WDR17: variants seen among roughly 807,000 people sequenced by gnomAD.
The protein encoded by WDR17 is WD repeat-containing protein 17.
WDR17 carries 143 observed loss-of-function variants against 161.7 expected under a neutral mutation model. The ratio of observed to expected loss-of-function variants is 0.88; its 90% CI spans 0.77 to 1.02. The LOEUF (loss-of-function observed/expected upper bound fraction) is 1.02. WDR17 is among the 50% of genes least tolerant of loss of function. The probability of loss-of-function intolerance (pLI) is 0.00; values close to 1 mark genes in which losing one functional copy is unlikely to be tolerated. For synonymous variants in WDR17, 517 were observed against 515.6 expected, an observed-to-expected ratio of 1.00 and a Z score of -0.04; for missense variants, 1,469 against 1,520.9, an observed-to-expected ratio of 0.97 and a Z score of 0.57.
At chr4:176,114,266 A>C (rs1740240030) in intron 2 of WDR17, among the ~76,000 whole-genome samples, 1 of 152,086 alleles carries the variant, frequency 6.6e-6, no homozygotes, top group Non-Finnish European at 1.5e-5. Flanking sequence ...AAATAAGTCA[A>C]CTTAAAATTG....
At chr4:176,070,377 A>G (rs1733063584) in intron 1 of WDR17, among the ~76,000 whole-genome samples, 1 of 152,096 alleles carries the variant, frequency 6.6e-6, no homozygotes, top group African/African-American at 2.4e-5. Context: ...CCTGGGCCCT[A>G]CCTTAGGTAA....
intron 17 of WDR17, among the ~76,000 whole-genome samples, chr4:176,152,951 G>T (rs529909686): frequency 6.6e-6 from 1 of 151,456 alleles, no homozygotes; most frequent in African/African-American, 2.4e-5. Context: ...AAAAAAGGAA[G>T]CTTATTTTTT....
intron 5 of WDR17, among the ~76,000 whole-genome samples, chr4:176,127,678 G>A (rs572208827): frequency 1.3e-5 from 2 of 152,232 alleles, no homozygotes; most frequent in East Asian, 3.9e-4. Context: ...TTTAAAGCAT[G>A]CAGTTCAGTG....
At chr4:176,166,201 T>A in intron 22 of WDR17, 3 of 561,750 alleles carry the variant, frequency 5.3e-6, no homozygotes, top group Non-Finnish European at 8.7e-6. Flanking sequence ...ACTCCTTTAT[T>A]TTATTATTTG....
intron 18 of WDR17, 54 bp from the exon 19 acceptor site, chr4:176,159,940 C>G (rs1748773313): frequency 9.7e-6 from 14 of 1,449,548 alleles, no homozygotes; most frequent in Admixed American, 4.0e-5. Flanking sequence ...TCTCAATTCA[C>G]CTAAAAACCT....
chr4:176,127,484 C>T (rs1400105306), intron 5 of WDR17, among the ~76,000 whole-genome samples: 15 of 151,686 alleles, frequency 9.9e-5, no homozygotes, highest in Admixed American at 2.0e-4. Flanking sequence ...TTAGTAGAGA[C>T]GGTGTTTTAC....
At chr4:176,089,754 T>A (rs1012082493) in intron 1 of WDR17, among the ~76,000 whole-genome samples, 1 of 152,100 alleles carries the variant, frequency 6.6e-6, no homozygotes, top group African/African-American at 2.4e-5. Flanking sequence ...GGGACTAAGA[T>A]TTTTCCCAGC....
At position 176,148,323 on chromosome 4, in the gene WDR17, G is replaced by C. The variant is rs1254757195; in HGVS notation, c.1885G>C (p.Ala629Pro). ...TGTGGATACTGTGTATGATCACGGT[G>C]CAGATGTATATGGTAGAGTGTCTTT... ...TCVDTVYDHG[A>P]DVYGLTCHPS... is the part of the protein sequence containing the mutation. Residue 629 changes from alanine to proline, a missense_variant, in exon 13 of 29, where the codon GCA becomes CCA. Transcript: ENST00000508596. 2 of 1,613,508 alleles carry C rather than the reference G, an allele frequency of 1.2e-6. No homozygotes were observed. Among genetic ancestry groups the C allele is most frequent in the Admixed American group, 3.3e-5 (2 of 59,992 alleles).
chr4:176,138,246 C>CT (rs1462469684), intron 9 of WDR17, among the ~76,000 whole-genome samples: 1 of 151,522 alleles, frequency 6.6e-6, no homozygotes, highest in Non-Finnish European at 1.5e-5. Context: ...CTTGAAATTT[C>CT]TTTTATTTTA....
chr4:176,091,128 T>A (rs1217934803), intron 1 of WDR17, among the ~76,000 whole-genome samples: 1 of 152,210 alleles, frequency 6.6e-6, no homozygotes, highest in Non-Finnish European at 1.5e-5. Flanking sequence ...ATGGCCAGAT[T>A]TGGGTGCCTA....
chr4:176,067,566 GT>G (rs1732690091), intron 1 of WDR17, among the ~76,000 whole-genome samples: 1 of 152,180 alleles, frequency 6.6e-6, no homozygotes, highest in Non-Finnish European at 1.5e-5. Context: ...TTACTTGAAA[GT>G]TTTAACATTC....
At chr4:176,175,696 T>TACAGGTGCCCGCCACC (rs369478131) in intron 26 of WDR17, among the ~76,000 whole-genome samples, 5,060 of 151,618 alleles carry the variant, frequency 0.033, 262 homozygotes, top group African/African-American at 0.11. Context: ...TAGCTGGGAC[T>TACAGGTGCCCGCCACC]ACAGGTGCCC....
At chr4:176,101,036 T>C (rs975455691) in intron 1 of WDR17, among the ~76,000 whole-genome samples, 4 of 152,182 alleles carry the variant, frequency 2.6e-5, no homozygotes, top group Non-Finnish European at 5.9e-5. Flanking sequence ...TCCAGTTTTA[T>C]TCCTTTGGTT....
intron 6 of WDR17, among the ~76,000 whole-genome samples, chr4:176,129,341 A>G (rs1308539414): frequency 6.6e-6 from 1 of 152,086 alleles, no homozygotes; most frequent in Admixed American, 6.5e-5. Context: ...AGTAGTTAGT[A>G]TTATGGATCT....
Position 176,130,551 on chromosome 4 carries a change from T to G in WDR17, c.914-1003T>G, listed in dbSNP as rs564978013. Among the ~76,000 whole-genome samples the G allele has an allele frequency of 4.2e-4, 64 of 152,030 alleles. No homozygotes were observed. The East Asian group carries it at 0.011, about 27-fold the overall frequency. On this transcript the variant is annotated intron_variant, in intron 6 of 28. Transcript: ENST00000508596. ...CAAGGTCAGGAGATCGAGACCATCC[T>G]GGCTAACACAGTGAAACCCTGTCTC...
chr4:176,095,972 ACT>A (rs1736794700), intron 1 of WDR17, among the ~76,000 whole-genome samples: 1 of 152,120 alleles, frequency 6.6e-6, no homozygotes, highest in Admixed American at 6.6e-5. Flanking sequence ...GTGTCTTTAA[ACT>A]TTTTGACGGG....
At chr4:176,131,373 C>T (rs888856082) in intron 6 of WDR17, among the ~76,000 whole-genome samples, 181 bp from the exon 7 acceptor site, 2 of 151,872 alleles carry the variant, frequency 1.3e-5, no homozygotes, top group African/African-American at 4.8e-5. Context: ...AAATAATATC[C>T]AATTTTGTGC....
intron 20 of WDR17, 90 bp downstream of exon 20, chr4:176,161,092 T>A: frequency 9.9e-7 from 1 of 1,011,554 alleles, no homozygotes; most frequent in Non-Finnish European, 1.4e-6. Flanking sequence ...TCCTTCTTTG[T>A]ATACTGATGA....
At chr4:176,143,553 C>G (rs531006649) in intron 11 of WDR17, among the ~76,000 whole-genome samples, 1 of 151,636 alleles carries the variant, frequency 6.6e-6, no homozygotes, top group South Asian at 2.1e-4. Context: ...GTGGGGCACA[C>G]TTGTAGTCAC....
Sources: gnomAD v4.1 joint callset for allele counts (sites outside exome capture counted in the v4.1 genomes callset) on GRCh38, gnomAD v4.1.1 for gene constraint, MANE v1.5 for transcripts, NCBI Gene and HGNC (gene_info 2026-07-23, HGNC 2026-07-21) for gene names.